TXNRD1: variants seen among roughly 807,000 people sequenced by gnomAD.
TXNRD1 encodes the protein thioredoxin reductase 1.
In TXNRD1, 57 loss-of-function variants were observed where a neutral mutation model predicts 80.3. That is an observed-to-expected ratio of 0.71 (90% CI 0.57 to 0.89). TXNRD1 has a LOEUF of 0.89. Ranked by LOEUF, TXNRD1 falls within the 40% of genes least tolerant of loss-of-function variation. TXNRD1 has a pLI of 0.00. For missense variants in TXNRD1, 730 were observed against 803.0 expected (o/e 0.91, Z 1.10); for synonymous variants, 291 against 285.2 (o/e 1.02, Z -0.20).
chr12:104,290,719 AC>A (rs1332102447), intron 4 of TXNRD1, among the ~76,000 whole-genome samples: 2 of 76,000 alleles, frequency 2.6e-5, no homozygotes, highest in African/African-American at 5.7e-5. Flanking sequence ...AAAGAAATAT[AC>A]ATATATATAT....
At chr12:104,293,054 A>G (rs1042534126) in intron 4 of TXNRD1, among the ~76,000 whole-genome samples, 1 of 152,166 alleles carries the variant, frequency 6.6e-6, no homozygotes, top group Non-Finnish European at 1.5e-5. Flanking sequence ...CTACTGCTCA[A>G]AGATGTGGCT....
chr12:104,334,194 G>A (rs1291859251), intron 14 of TXNRD1, 43 bp from the exon 15 acceptor site: 2 of 1,073,536 alleles, frequency 1.9e-6, no homozygotes, highest in Non-Finnish European at 2.6e-6. Context: ...CAGACTTAAT[G>A]TTTAAAATAA....
At chr12:104,290,237 T>C (rs2034133162) in intron 4 of TXNRD1, among the ~76,000 whole-genome samples, 1 of 152,238 alleles carries the variant, frequency 6.6e-6, no homozygotes, top group Non-Finnish European at 1.5e-5. Context: ...AAGTATTTTA[T>C]TTATTTTTGA....
intron 3 of TXNRD1, among the ~76,000 whole-genome samples, chr12:104,277,356 C>T (rs1393147625): frequency 1.6e-4 from 24 of 148,452 alleles, no homozygotes; most frequent in Admixed American, 2.7e-4. Context: ...GCTGAGATCG[C>T]GCCACTGCAC....
intron 3 of TXNRD1, among the ~76,000 whole-genome samples, chr12:104,279,299 C>T (rs2033827042): frequency 6.6e-6 from 1 of 152,152 alleles, no homozygotes; most frequent in African/African-American, 2.4e-5. Context: ...AAGTACTAGG[C>T]AGAAAGAATA....
At chr12:104,336,645 G>GT in intron 15 of TXNRD1, among the ~76,000 whole-genome samples, 1 of 152,234 alleles carries the variant, frequency 6.6e-6, no homozygotes, top group African/African-American at 2.4e-5. Context: ...CATTTTTGCT[G>GT]TATTTGTTTC....
At chr12:104,267,255 C>CTTTCTTTCTTTCTTTCTTTCTTTCTTTT (rs1565869742) in intron 3 of TXNRD1, among the ~76,000 whole-genome samples, 11 of 132,126 alleles carry the variant, frequency 8.3e-5, no homozygotes, top group African/African-American at 3.2e-4. Context: ...TTCTTTCTTT[C>CTTTCTTTCTTTCTTTCTTTCTTTCTTTT]TTTCTTTCTT....
chr12:104,297,684 G>A (rs1308199661), intron 4 of TXNRD1, among the ~76,000 whole-genome samples: 1 of 152,108 alleles, frequency 6.6e-6, no homozygotes, highest in African/African-American at 2.4e-5. Context: ...TTTTAATGAT[G>A]ACAACCACTC....
intron 4 of TXNRD1, among the ~76,000 whole-genome samples, chr12:104,309,593 T>C (rs2035053036): frequency 6.6e-6 from 1 of 152,174 alleles, no homozygotes; most frequent in Non-Finnish European, 1.5e-5. Flanking sequence ...TAAAAAATGA[T>C]TGTATGTTAT....
intron 3 of TXNRD1, among the ~76,000 whole-genome samples, chr12:104,271,668 G>A (rs1463891100): frequency 1.3e-5 from 2 of 152,092 alleles, no homozygotes; most frequent in Non-Finnish European, 2.9e-5. Flanking sequence ...CACAATGGTG[G>A]AATGTCATCA....
intron 2 of TXNRD1, among the ~76,000 whole-genome samples, chr12:104,256,776 C>CAAAAAAAA (rs71069738): frequency 1.7e-5 from 2 of 118,962 alleles, no homozygotes; most frequent in East Asian, 2.4e-4. Flanking sequence ...GACTCTGTCT[C>CAAAAAAAA]AAAAAAAAAA....
chr12:104,325,724 T>C (rs2035736181), intron 11 of TXNRD1, among the ~76,000 whole-genome samples: 1 of 152,112 alleles, frequency 6.6e-6, no homozygotes, highest in South Asian at 2.1e-4. Context: ...ATACAAAAAT[T>C]AGCCGGGCGT....
intron 3 of TXNRD1, among the ~76,000 whole-genome samples, chr12:104,281,563 C>T (rs541089003): frequency 5.3e-5 from 8 of 151,880 alleles, no homozygotes; most frequent in Admixed American, 3.9e-4. Context: ...CCTGCTACCA[C>T]GCCCGGTTAA....
At chr12:104,323,218 C>G (rs1427848496) in intron 10 of TXNRD1, among the ~76,000 whole-genome samples, 2 of 85,208 alleles carry the variant, frequency 2.3e-5, no homozygotes, top group Non-Finnish European at 2.8e-5. Context: ...TACACAGACA[C>G]GGCAACCATC....
rs928554128 is a variant in TXNRD1 at position 104,310,231 on chromosome 12, C to T, written c.415-1059C>T. 7.8e-5 allele frequency: 79 copies of T among 1,011,102 alleles called. 1 individual carries two copies. Among genetic ancestry groups the T allele is most frequent in the Middle Eastern group, 6.6e-4 (2 of 3,032 alleles). 62.6% of individuals were successfully genotyped at this position (1,011,102 alleles called of 1,614,324 possible). A position where few individuals can be genotyped will look rare whatever the true frequency, so the allele number is the denominator to read the frequency against. ...GTGGCGCAATCTTGGCTCACTGCAACGTCTGCCTCCCGGGTTCAAGCGCTT... is the reference window on the plus strand; with the variant it reads ...GTGGCGCAATCTTGGCTCACTGCAATGTCTGCCTCCCGGGTTCAAGCGCTT... On this transcript the variant is annotated intron_variant, in intron 4 of 16. Transcript: ENST00000525566.
chr12:104,343,493 A>G (rs2036392392), intron 16 of TXNRD1, among the ~76,000 whole-genome samples: 1 of 152,142 alleles, frequency 6.6e-6, no homozygotes. Context: ...TCAGAAGCTT[A>G]GTTTCCACAT....
chr12:104,341,328 A>G (rs1222536783), intron 16 of TXNRD1, among the ~76,000 whole-genome samples: 8 of 152,208 alleles, frequency 5.3e-5, no homozygotes, highest in Admixed American at 5.2e-4. Context: ...AGATAAAAAA[A>G]ATTGGGTGAA....
intron 4 of TXNRD1, 69 bp downstream of exon 4, chr12:104,289,109 C>T (rs2034084161): frequency 4.6e-6 from 7 of 1,537,944 alleles, no homozygotes; most frequent in Non-Finnish European, 6.2e-6. Flanking sequence ...TCACAGCCTG[C>T]CTTTTAAAGC....
intron 1 of TXNRD1, among the ~76,000 whole-genome samples, chr12:104,238,282 T>G (rs914456786): frequency 6.6e-6 from 1 of 152,150 alleles, no homozygotes; most frequent in African/African-American, 2.4e-5. Flanking sequence ...CAAATGCAGG[T>G]TTTTAATAGC....
Sources: gnomAD v4.1 joint callset for allele counts (sites outside exome capture counted in the v4.1 genomes callset) on GRCh38, gnomAD v4.1.1 for gene constraint, MANE v1.5 for transcripts, NCBI Gene and HGNC (gene_info 2026-07-23, HGNC 2026-07-21) for gene names.